The following NRG1 variants were observed in gnomAD, a reference collection of about 807,000 sequenced individuals.
The protein encoded by NRG1 is neuregulin 1, also known as pro-neuregulin-1, membrane-bound isoform.
In NRG1, 18 loss-of-function variants were observed where a neutral mutation model predicts 63.8. That is an observed-to-expected ratio of 0.28 (90% CI 0.19 to 0.42). NRG1 has a LOEUF of 0.42. Among genes scored for constraint, NRG1 ranks in the 10% least tolerant of loss-of-function variants. The probability of loss-of-function intolerance (pLI) is 1.00; values close to 1 mark genes in which losing one functional copy is unlikely to be tolerated. For missense variants in NRG1, 762 were observed against 814.7 expected (o/e 0.94, Z 0.79); for synonymous variants, 302 against 301.3 (o/e 1.00, Z -0.02).
intron 1 of NRG1, among the ~76,000 whole-genome samples, chr8:31,826,171 A>T (rs182583586): frequency 1.3e-5 from 2 of 152,282 alleles, no homozygotes; most frequent in Admixed American, 1.3e-4. Flanking sequence ...GGTCAATGGG[A>T]TGTAAATAGG....
chr8:32,094,305 C>T (rs556089505), intron 1 of NRG1, among the ~76,000 whole-genome samples: 46 of 152,234 alleles, frequency 3.0e-4, no homozygotes, highest in Non-Finnish European at 6.0e-4. Flanking sequence ...AAGAAGTAAG[C>T]GACTTGGCTA....
chr8:32,355,946 G>A (rs540483769), intron 1 of NRG1, among the ~76,000 whole-genome samples: 1 of 152,068 alleles, frequency 6.6e-6, no homozygotes, highest in Non-Finnish European at 1.5e-5. Context: ...TTGAGACAAG[G>A]TTTGTTGTGC....
chr8:32,544,402 C>A (rs913215461), upstream of NRG1, among the ~76,000 whole-genome samples: 5 of 151,814 alleles, frequency 3.3e-5, no homozygotes, highest in African/African-American at 1.2e-4. Flanking sequence ...TGTTTTTATG[C>A]CTTTCTCACA....
chr8:32,281,572 C>T (rs893386302), intron 1 of NRG1, among the ~76,000 whole-genome samples: 2 of 152,112 alleles, frequency 1.3e-5, no homozygotes, highest in Admixed American at 6.5e-5. Flanking sequence ...CCCATGTGTA[C>T]TTAGTGTTTA....
chr8:31,752,242 T>C (rs1816550105), intron 1 of NRG1, among the ~76,000 whole-genome samples: 1 of 152,024 alleles, frequency 6.6e-6, no homozygotes, highest in African/African-American at 2.4e-5. Context: ...TTTGATAATG[T>C]GGAAGTTATG....
At chr8:32,336,069 A>C (rs1422972517) in intron 1 of NRG1, among the ~76,000 whole-genome samples, 1 of 152,214 alleles carries the variant, frequency 6.6e-6, no homozygotes, top group Non-Finnish European at 1.5e-5. Flanking sequence ...CTATGAAGCA[A>C]GTGGCACCCA....
chr8:31,972,645 C>G (rs183741387), intron 1 of NRG1, among the ~76,000 whole-genome samples: 1 of 152,146 alleles, frequency 6.6e-6, no homozygotes, highest in Admixed American at 6.5e-5. Context: ...CTTGGCCTTT[C>G]AACTCATCCT....
chr8:32,107,551 T>A (rs2131412643), intron 1 of NRG1, among the ~76,000 whole-genome samples: 1 of 152,332 alleles, frequency 6.6e-6, no homozygotes, highest in African/African-American at 2.4e-5. Flanking sequence ...TTAGAGTTAA[T>A]CATTCTTGAT....
intron 1 of NRG1, among the ~76,000 whole-genome samples, chr8:32,517,050 A>T (rs915571896): frequency 6.6e-6 from 1 of 152,184 alleles, no homozygotes; most frequent in Non-Finnish European, 1.5e-5. Context: ...GAGTAATTTT[A>T]TGTCAGAATA....
At chr8:31,722,517 A>C (rs73671094) in intron 1 of NRG1, among the ~76,000 whole-genome samples, 3,387 of 152,272 alleles carry the variant, frequency 0.022, 132 homozygotes, top group African/African-American at 0.078. Context: ...GAGTAAATGA[A>C]TCTAATAATT....
intron 1 of NRG1, among the ~76,000 whole-genome samples, chr8:31,683,885 A>G (rs1289016212): frequency 6.6e-6 from 1 of 152,170 alleles, no homozygotes; most frequent in Non-Finnish European, 1.5e-5. Flanking sequence ...AAAATTTAAA[A>G]AACTCTGATC....
At chr8:32,045,729 A>G (rs1820893524) in intron 1 of NRG1, among the ~76,000 whole-genome samples, 1 of 152,002 alleles carries the variant, frequency 6.6e-6, no homozygotes, top group Non-Finnish European at 1.5e-5. Context: ...TCTAACAAAT[A>G]GTAATGGAAC....
At chr8:32,665,260 T>A (rs1803846730) in intron 5 of NRG1, among the ~76,000 whole-genome samples, 1 of 152,152 alleles carries the variant, frequency 6.6e-6, no homozygotes, top group Non-Finnish European at 1.5e-5. Context: ...ATCCATGGCA[T>A]CCTACTTAAT....
At chr8:32,124,312 C>G (rs1159659405) in intron 1 of NRG1, among the ~76,000 whole-genome samples, 1 of 151,860 alleles carries the variant, frequency 6.6e-6, no homozygotes, top group African/African-American at 2.4e-5. Context: ...ATTGCTACTT[C>G]TTGGTGAGCA....
intron 1 of NRG1, among the ~76,000 whole-genome samples, chr8:32,259,288 G>A (rs1348873528): frequency 6.6e-6 from 1 of 152,208 alleles, no homozygotes; most frequent in Non-Finnish European, 1.5e-5. Flanking sequence ...AGGCGATTAG[G>A]CCATGAGGGC....
intron 1 of NRG1, among the ~76,000 whole-genome samples, chr8:31,959,693 C>T (rs1367258633): frequency 6.6e-6 from 1 of 151,820 alleles, no homozygotes; most frequent in African/African-American, 2.4e-5. Flanking sequence ...GCCTGCTGGC[C>T]CCAAATGACA....
chr8:32,524,363 T>A (rs997981873), intron 1 of NRG1, among the ~76,000 whole-genome samples: 1 of 152,180 alleles, frequency 6.6e-6, no homozygotes, highest in African/African-American at 2.4e-5. Flanking sequence ...TTCTTGATAT[T>A]CTTTCCTTCT....
rs1422426333 is a variant in NRG1 at position 32,742,076 on chromosome 8, G to T, written c.633-599G>T. The T allele has an allele frequency of 6.2e-7, 1 of 1,613,028 alleles. No individual in the cohort carries two copies. The highest frequency in any genetic ancestry group is 1.7e-5 in the Admixed American group (1 of 59,950). ...CCCATGAAAGTCCAAAACCAAGAAA[G>T]TATGTCAAAATAATCTGAAATTTGC... is the stretch of plus-strand genomic sequence containing the variant. On this transcript the variant is annotated intron_variant, in intron 6 of 11. Transcript: ENST00000356819. The surrounding 1 kb of genome is among the most constrained non-coding windows in gnomAD (Gnocchi z 4.2).
intron 1 of NRG1, among the ~76,000 whole-genome samples, chr8:31,983,879 A>G (rs1043669063): frequency 1.3e-5 from 2 of 152,102 alleles, no homozygotes; most frequent in African/African-American, 4.8e-5. Context: ...AATCTGGAAG[A>G]TAGAAGTGAA....
Sources: allele counts gnomAD v4.1 joint callset (sites outside exome capture counted in the v4.1 genomes callset), GRCh38; gene constraint gnomAD v4.1.1; non-coding constraint Gnocchi (gnomAD v3.1); transcripts MANE v1.5; gene names NCBI Gene and HGNC (gene_info 2026-07-23, HGNC 2026-07-21).